The following PITPNC1 variants were observed in gnomAD, a reference collection of about 807,000 sequenced individuals.
PITPNC1 encodes the protein cytoplasmic phosphatidylinositol transfer protein 1.
A neutral mutation model predicts 44.7 loss-of-function variants in PITPNC1; 18 were observed. The observed-to-expected ratio is 0.40, with a 90% CI of 0.28 to 0.60. The LOEUF (loss-of-function observed/expected upper bound fraction) is 0.60. Among genes scored for constraint, PITPNC1 ranks in the 20% least tolerant of loss-of-function variants. The pLI is 0.39. For missense variants in PITPNC1, 290 were observed against 418.4 expected (o/e 0.69, Z 2.68); for synonymous variants, 141 against 149.6 (o/e 0.94, Z 0.42).
intron 1 of PITPNC1, chr17:67,525,452 A>G (rs1289322323): frequency 6.6e-6 from 1 of 152,276 alleles, no homozygotes; most frequent in African/African-American, 2.4e-5. Flanking sequence ...ATCAGCCTGC[A>G]TGCTTTGCCA....
At chr17:67,562,667 C>A (rs113074017) in intron 4 of PITPNC1, among the ~76,000 whole-genome samples, 343 of 152,254 alleles carry the variant, frequency 2.3e-3, no homozygotes, top group African/African-American at 7.8e-3. Flanking sequence ...ACGTAACCCT[C>A]ACAAGGCAGA....
chr17:67,472,768 T>C (rs1453445499), intron 1 of PITPNC1, among the ~76,000 whole-genome samples: 1 of 152,170 alleles, frequency 6.6e-6, no homozygotes, highest in African/African-American at 2.4e-5. Context: ...GCTTACCGTC[T>C]ATTCATTAGA....
chr17:67,425,410 TTTC>T (rs2038749369), intron 1 of PITPNC1, among the ~76,000 whole-genome samples: 1 of 151,770 alleles, frequency 6.6e-6, no homozygotes. Context: ...TTTTCTTTTC[TTTC>T]TTCTTCCTGT....
At position 67,695,835 on chromosome 17, in the gene PITPNC1, A is replaced by G. The variant is rs1404570507; in HGVS notation, c.*2947A>G. 6.6e-6 allele frequency: 1 copy of G among 152,132 alleles called. No individual in the cohort carries two copies. Among genetic ancestry groups the G allele is most frequent in the East Asian group, 1.9e-4 (1 of 5,196 alleles). The allele number at this position is 152,132 out of a possible 1,614,324, so 9.4% of individuals were successfully genotyped here. ...TGCCCCTGTGCATTTTCTTGGCCAT[A>G]GCACGGCATTCTTGCTTTAGCTGTG... On this transcript the variant is annotated 3_prime_UTR_variant, in exon 9 of 9. Transcript: ENST00000581322.
chr17:67,571,077 G>A (rs2041049505), intron 4 of PITPNC1, among the ~76,000 whole-genome samples: 1 of 152,238 alleles, frequency 6.6e-6, no homozygotes, highest in South Asian at 2.1e-4. Context: ...CCAGCAGGCT[G>A]AGTGTTGTGT....
chr17:67,514,390 G>A (rs1169646602), intron 1 of PITPNC1, among the ~76,000 whole-genome samples: 4 of 151,400 alleles, frequency 2.6e-5, no homozygotes, highest in African/African-American at 9.7e-5. Context: ...TAGTAGAGAT[G>A]GGGTTTTACC....
chr17:67,452,987 CT>C (rs1433412001), intron 1 of PITPNC1, among the ~76,000 whole-genome samples: 3 of 152,114 alleles, frequency 2.0e-5, no homozygotes, highest in Non-Finnish European at 2.9e-5. Context: ...TGTGGTTTTA[CT>C]TTGCATTTCC....
At chr17:67,549,130 T>C (rs897617052) in intron 2 of PITPNC1, among the ~76,000 whole-genome samples, 3 of 152,064 alleles carry the variant, frequency 2.0e-5, no homozygotes, top group African/African-American at 7.2e-5. Flanking sequence ...GCCTGGAAAA[T>C]ACCAGAAGGA....
intron 1 of PITPNC1, among the ~76,000 whole-genome samples, chr17:67,506,686 T>TA: frequency 6.6e-6 from 1 of 152,318 alleles, no homozygotes; most frequent in Admixed American, 6.5e-5. Context: ...GAAAATTTCT[T>TA]AAATTCTCAT....
intron 2 of PITPNC1, among the ~76,000 whole-genome samples, chr17:67,534,508 C>T (rs1256041164): frequency 5.3e-5 from 8 of 151,676 alleles, no homozygotes; most frequent in Non-Finnish European, 8.8e-5. Context: ...CATGGTGGTG[C>T]GCACCTACAG....
intron 1 of PITPNC1, among the ~76,000 whole-genome samples, chr17:67,519,909 T>A (rs1642692557): frequency 6.6e-6 from 1 of 152,194 alleles, no homozygotes; most frequent in African/African-American, 2.4e-5. Flanking sequence ...CAAATATCAC[T>A]GAGATCTTGT....
chr17:67,539,793 G>A (rs764620053), intron 2 of PITPNC1, among the ~76,000 whole-genome samples: 6 of 152,100 alleles, frequency 3.9e-5, no homozygotes, highest in Non-Finnish European at 7.4e-5. Context: ...AGCCGAGATC[G>A]CGCCACTGCA....
chr17:67,409,309 C>T (rs1453595570), intron 1 of PITPNC1, among the ~76,000 whole-genome samples: 86 of 151,704 alleles, frequency 5.7e-4, no homozygotes, highest in African/African-American at 2.0e-3. Context: ...TGGTCTCGAT[C>T]TCCTGACCTC....
chr17:67,688,552 T>C (rs2042863638), intron 8 of PITPNC1, among the ~76,000 whole-genome samples: 1 of 152,012 alleles, frequency 6.6e-6, no homozygotes, highest in Non-Finnish European at 1.5e-5. Flanking sequence ...CTAACTCTTC[T>C]CCCATTTTGC....
At chr17:67,513,359 ATATCTATATCTATATCTATATC>A (rs1028558621) in intron 1 of PITPNC1, among the ~76,000 whole-genome samples, 9 of 9,192 alleles carry the variant, frequency 9.8e-4, no homozygotes, top group African/African-American at 1.4e-3. Flanking sequence ...GTCTGTATCT[ATATCTATATCTATATCTATATC>A]TATATCTATA....
intron 4 of PITPNC1, among the ~76,000 whole-genome samples, chr17:67,556,116 A>G (rs998880796): frequency 6.6e-6 from 1 of 152,186 alleles, no homozygotes; most frequent in Non-Finnish European, 1.5e-5. Context: ...GCCAGCAGAG[A>G]TTCAGACCTC....
chr17:67,392,036 GA>G (rs2038145949), intron 1 of PITPNC1, among the ~76,000 whole-genome samples: 2 of 152,218 alleles, frequency 1.3e-5, no homozygotes, highest in South Asian at 4.2e-4. Flanking sequence ...TACACTCTTG[GA>G]AATTATTCCT....
intron 2 of PITPNC1, among the ~76,000 whole-genome samples, chr17:67,550,054 T>C (rs1295643439): frequency 6.6e-6 from 1 of 152,170 alleles, no homozygotes; most frequent in Non-Finnish European, 1.5e-5. Context: ...CAGCGTCACC[T>C]GAGTTGCACT....
At chr17:67,553,359 A>G (rs1039248920) in intron 3 of PITPNC1, 1 of 330,448 alleles carries the variant, frequency 3.0e-6, no homozygotes, top group Non-Finnish European at 5.5e-6. Context: ...TTAATTAGCC[A>G]CAAGCCTATA....
Sources: allele counts gnomAD v4.1 joint callset (sites outside exome capture counted in the v4.1 genomes callset), GRCh38; gene constraint gnomAD v4.1.1; transcripts MANE v1.5; gene names NCBI Gene and HGNC (gene_info 2026-07-23, HGNC 2026-07-21).